Variants in SEMA3D observed in about 807,000 individuals in gnomAD.
The protein encoded by SEMA3D is semaphorin-3D.
Under a neutral mutation model 100.1 loss-of-function variants are expected in SEMA3D, and 84 were observed. The ratio of observed to expected loss-of-function variants is 0.84; its 90% confidence interval spans 0.70 to 1.01. The LOEUF (loss-of-function observed/expected upper bound fraction) is 1.01. Among genes scored for constraint, SEMA3D ranks in the 50% least tolerant of loss-of-function variants. The pLI is 0.00. For synonymous variants in SEMA3D, 312 were observed against 320.7 expected, an observed-to-expected ratio of 0.97 and a Z score of 0.29; for missense variants, 875 against 934.1, an observed-to-expected ratio of 0.94 and a Z score of 0.82.
intron 9 of SEMA3D, among the ~76,000 whole-genome samples, chr7:85,053,034 T>G (rs1033652794): frequency 2.6e-5 from 4 of 151,988 alleles, no homozygotes; most frequent in African/African-American, 4.8e-5. Context: ...TTTCAGTTAG[T>G]AGCTGAAGAT....
chr7:85,193,599 A>T, the SEMA3D span, among the ~76,000 whole-genome samples: 2 of 152,146 alleles, frequency 1.3e-5, no homozygotes, highest in Non-Finnish European at 2.9e-5. Context: ...CTTTGCAAGT[A>T]GAAAATATTC....
Position 85,024,911 on chromosome 7 carries a change from A to AT in SEMA3D, c.1192-2299dup, listed in dbSNP as rs149627915. ...AAAATAATGAGATGCCAAGCAATGTATGTAGGTAAGAGTAAAGTAGGAAAG... is the reference window on the plus strand; with the variant it reads ...AAAATAATGAGATGCCAAGCAATGTATTGTAGGTAAGAGTAAAGTAGGAAAG... On this transcript the variant is annotated intron_variant, in intron 12 of 18. Coordinates refer to ENST00000284136, the MANE Select transcript of SEMA3D (RefSeq NM_001384900.1). Among the ~76,000 whole-genome samples the AT allele has an allele frequency of 5.8e-3, 878 of 152,166 alleles. 7 individuals carry two copies. Among genetic ancestry groups the AT allele is most frequent in the African/African-American group, 0.018 (755 of 41,564 alleles).
chr7:85,040,579 A>G, intron 11 of SEMA3D, 94 bp downstream of exon 11: 1 of 695,414 alleles, frequency 1.4e-6, no homozygotes, highest in Non-Finnish European at 2.6e-6. Context: ...ACGATATGCT[A>G]CTACAAACGC....
chr7:85,011,971 T>C (rs1584522493), intron 17 of SEMA3D, among the ~76,000 whole-genome samples: 1 of 151,662 alleles, frequency 6.6e-6, no homozygotes, highest in East Asian at 1.9e-4. Flanking sequence ...GTTTGGTGTG[T>C]GTGTGTGCAT....
At chr7:85,034,935 A>T (rs1214967535) in intron 12 of SEMA3D, among the ~76,000 whole-genome samples, 1 of 152,150 alleles carries the variant, frequency 6.6e-6, no homozygotes, top group East Asian at 1.9e-4. Context: ...TTAAAAATAG[A>T]ACTACTACAT....
intron 18 of SEMA3D, among the ~76,000 whole-genome samples, chr7:85,004,050 A>G (rs1458031915): frequency 6.6e-6 from 1 of 152,102 alleles, no homozygotes; most frequent in Non-Finnish European, 1.5e-5. Context: ...CATTATTATT[A>G]TTTTAAGCAG....
intron 9 of SEMA3D, among the ~76,000 whole-genome samples, chr7:85,048,337 A>G (rs1458907125): frequency 6.6e-6 from 1 of 151,824 alleles, no homozygotes; most frequent in Non-Finnish European, 1.5e-5. Context: ...AAAACTTAGT[A>G]CAAATGATCT....
chr7:85,130,688 A>G (rs763026351), intron 2 of SEMA3D, among the ~76,000 whole-genome samples: 13 of 152,216 alleles, frequency 8.5e-5, no homozygotes, highest in Non-Finnish European at 1.6e-4. Flanking sequence ...AAAATAGCTT[A>G]AAACAAATAT....
At chr7:85,057,424 T>G (rs1791352709) in intron 8 of SEMA3D, among the ~76,000 whole-genome samples, 2 of 152,242 alleles carry the variant, frequency 1.3e-5, no homozygotes, top group East Asian at 1.9e-4. Context: ...ACTGACTTTT[T>G]AAGAAGCAGA....
rs944025316 is a variant in SEMA3D, at chr7:85,124,518, C to A, written c.-40-2587G>T. 7.1e-5 allele frequency among the ~76,000 whole-genome samples: 6 copies of A among 85,020 alleles called. No homozygotes were observed. The East Asian group carries it at 2.8e-3, about 40-fold the overall frequency. The allele number at this position is 85,020 out of a possible 152,430, so 55.8% of individuals were successfully genotyped here. ...TCTGAAGGGAATGGTTGATTATACA[C>A]AATAAAGTACCATAAAATAAATTTA... is the stretch of plus-strand genomic sequence containing the variant. On this transcript the variant is annotated intron_variant, in intron 2 of 18. Coordinates refer to ENST00000284136, the MANE Select transcript of SEMA3D (RefSeq NM_001384900.1).
chr7:85,018,785 C>G (rs1033861938), intron 14 of SEMA3D, among the ~76,000 whole-genome samples: 7 of 151,664 alleles, frequency 4.6e-5, no homozygotes, highest in Non-Finnish European at 8.9e-5. Context: ...TACTGGTGCA[C>G]ATGATTTCAC....
At chr7:85,043,001 C>T (rs1354916185) in intron 9 of SEMA3D, among the ~76,000 whole-genome samples, 1 of 152,088 alleles carries the variant, frequency 6.6e-6, no homozygotes, top group Non-Finnish European at 1.5e-5. Flanking sequence ...TCTTTATAGG[C>T]TTAAAAGTCT....
intron 3 of SEMA3D, among the ~76,000 whole-genome samples, chr7:85,099,619 T>C (rs901933507): frequency 3.9e-5 from 6 of 151,934 alleles, no homozygotes; most frequent in Non-Finnish European, 8.8e-5. Context: ...CCTTCCAAAG[T>C]GTCTATACCA....
chr7:85,048,807 C>T (rs1022905110), intron 9 of SEMA3D, among the ~76,000 whole-genome samples: 8 of 151,650 alleles, frequency 5.3e-5, no homozygotes, highest in African/African-American at 1.9e-4. Context: ...CAGTCAACTC[C>T]GGTAAGTTAA....
At chr7:85,056,621 A>G (rs1197296087) in intron 8 of SEMA3D, among the ~76,000 whole-genome samples, 1 of 149,646 alleles carries the variant, frequency 6.7e-6, no homozygotes, top group Non-Finnish European at 1.5e-5. Flanking sequence ...TTTTATATAT[A>G]TAGCATATAT....
the SEMA3D span, among the ~76,000 whole-genome samples, chr7:85,249,759 A>G: frequency 6.6e-6 from 1 of 152,210 alleles, no homozygotes; most frequent in African/African-American, 2.4e-5. Context: ...TGTATTCTTA[A>G]GATTCAGAAC....
chr7:85,202,214 C>T, the SEMA3D span, among the ~76,000 whole-genome samples: 1 of 102,162 alleles, frequency 9.8e-6, no homozygotes, highest in Non-Finnish European at 1.8e-5. Context: ...CCCCCTCCCC[C>T]CACCCCACAA....
the SEMA3D span, among the ~76,000 whole-genome samples, chr7:85,234,279 T>C: frequency 1.3e-5 from 2 of 152,198 alleles, no homozygotes; most frequent in African/African-American, 4.8e-5. Flanking sequence ...TGGGCAATAC[T>C]TGAAGACTGC....
chr7:85,078,400 G>C (rs1296258943), intron 5 of SEMA3D, among the ~76,000 whole-genome samples: 1 of 152,060 alleles, frequency 6.6e-6, no homozygotes, highest in Non-Finnish European at 1.5e-5. Context: ...TGAAGTTCCG[G>C]AGGACGCTTT....
Sources: allele counts gnomAD v4.1 joint callset (sites outside exome capture counted in the v4.1 genomes callset), GRCh38; gene constraint gnomAD v4.1.1; transcripts MANE v1.5; gene names NCBI Gene and HGNC (gene_info 2026-07-23, HGNC 2026-07-21).